The following PTPRM variants were observed in gnomAD, a reference collection of about 807,000 sequenced individuals.
PTPRM encodes the protein protein tyrosine phosphatase receptor type M, also known as receptor-type tyrosine-protein phosphatase mu.
PTPRM carries 47 observed loss-of-function variants against 186.7 expected under a neutral mutation model. The observed-to-expected ratio is 0.25, with a 90% CI of 0.20 to 0.32. The LOEUF (loss-of-function observed/expected upper bound fraction) is 0.32. PTPRM is among the 10% of genes least tolerant of loss of function. The pLI, the probability that PTPRM is intolerant of heterozygous loss-of-function variation, is 1.00. For synonymous variants in PTPRM, 668 were observed against 674.9 expected, an observed-to-expected ratio of 0.99 and a Z score of 0.16; for missense variants, 1,494 against 1,865.0, an observed-to-expected ratio of 0.80 and a Z score of 3.66.
At chr18:8,337,992 G>A (rs1218956297) in intron 22 of PTPRM, among the ~76,000 whole-genome samples, 6 of 152,214 alleles carry the variant, frequency 3.9e-5, no homozygotes, top group South Asian at 2.1e-4. Flanking sequence ...GATAGGGAAC[G>A]GATTCAGGGG....
intron 6 of PTPRM, among the ~76,000 whole-genome samples, 155 bp from the exon 7 acceptor site, chr18:7,954,966 A>G (rs1204015950): frequency 6.6e-6 from 1 of 152,220 alleles, no homozygotes; most frequent in Admixed American, 6.5e-5. Flanking sequence ...AATCTTTTTC[A>G]ACATACTTTT....
chr18:8,089,232 G>A (rs1458676752), intron 11 of PTPRM, among the ~76,000 whole-genome samples: 1 of 152,020 alleles, frequency 6.6e-6, no homozygotes, highest in Non-Finnish European at 1.5e-5. Context: ...TCATTTGTGT[G>A]TTTACTTTGG....
intron 1 of PTPRM, among the ~76,000 whole-genome samples, chr18:7,639,991 G>C (rs746894641): frequency 2.3e-4 from 35 of 152,094 alleles, no homozygotes; most frequent in Non-Finnish European, 4.4e-4. Context: ...AATATTCAAA[G>C]GAAGTGCATA....
chr18:8,018,316 G>A (rs10468772), intron 7 of PTPRM, among the ~76,000 whole-genome samples: 98,527 of 151,926 alleles, frequency 0.65, 32,265 homozygotes, highest in African/African-American at 0.73. Flanking sequence ...TATTTGGGGG[G>A]AACCTTAGGA....
chr18:7,812,149 G>A (rs2044556431), intron 2 of PTPRM, among the ~76,000 whole-genome samples: 1 of 152,228 alleles, frequency 6.6e-6, no homozygotes. Flanking sequence ...AATATTGGAT[G>A]AAGTAGGCAT....
At chr18:7,935,812 C>T (rs967497503) in intron 5 of PTPRM, among the ~76,000 whole-genome samples, 4 of 152,078 alleles carry the variant, frequency 2.6e-5, no homozygotes. Flanking sequence ...TGACCCTCAC[C>T]TTCCTCCCAC....
intron 1 of PTPRM, among the ~76,000 whole-genome samples, chr18:7,587,127 G>C (rs2036998636): frequency 6.6e-6 from 1 of 152,090 alleles, no homozygotes; most frequent in Non-Finnish European, 1.5e-5. Context: ...AAACCTTTAA[G>C]TGTTAGATTT....
intron 7 of PTPRM, among the ~76,000 whole-genome samples, chr18:7,985,002 T>TATATATACATATATAA (rs2082821472): frequency 1.6e-5 from 2 of 122,746 alleles, no homozygotes; most frequent in African/African-American, 6.5e-5. Context: ...TACATATAAT[T>TATATATACATATATAA]GTATATACAT....
chr18:8,392,283 T>C (rs1256582842), intron 31 of PTPRM, among the ~76,000 whole-genome samples: 1 of 152,220 alleles, frequency 6.6e-6, no homozygotes, highest in Non-Finnish European at 1.5e-5. Flanking sequence ...AACAGTAATG[T>C]TATTATTTTA....
At chr18:7,937,616 AG>A (rs1389000193) in intron 5 of PTPRM, among the ~76,000 whole-genome samples, 1 of 152,228 alleles carries the variant, frequency 6.6e-6, no homozygotes, top group Non-Finnish European at 1.5e-5. Flanking sequence ...CTGGCCACAG[AG>A]GTTTCTGGCT....
intron 11 of PTPRM, among the ~76,000 whole-genome samples, chr18:8,098,947 G>A (rs1409431348): frequency 6.6e-6 from 1 of 152,102 alleles, no homozygotes; most frequent in South Asian, 2.1e-4. Flanking sequence ...TAATGGGGAA[G>A]CCTCTGGCTT....
At chr18:8,343,568 T>C (rs765363554) in intron 23 of PTPRM, 48 bp downstream of exon 23, 3 of 1,562,252 alleles carry the variant, frequency 1.9e-6, no homozygotes, top group Non-Finnish European at 2.6e-6. Flanking sequence ...CTTGCTTAGT[T>C]GGTAACAGAA....
At chr18:8,324,279 A>G (rs2095362667) in intron 22 of PTPRM, among the ~76,000 whole-genome samples, 1 of 152,196 alleles carries the variant, frequency 6.6e-6, no homozygotes, top group Non-Finnish European at 1.5e-5. Flanking sequence ...GAGTATTGTT[A>G]TAATCGTTAG....
intron 4 of PTPRM, among the ~76,000 whole-genome samples, chr18:7,911,401 T>G (rs2050256272): frequency 6.6e-6 from 1 of 152,220 alleles, no homozygotes; most frequent in African/African-American, 2.4e-5. Flanking sequence ...CTTGCAAATA[T>G]TTATGTCTTT....
intron 2 of PTPRM, among the ~76,000 whole-genome samples, chr18:7,845,408 TTCAG>T (rs931007408): frequency 1.2e-4 from 19 of 152,172 alleles, no homozygotes; most frequent in African/African-American, 4.1e-4. Context: ...AGCTTGTGTG[TTCAG>T]TCACTTTTTT....
intron 23 of PTPRM, among the ~76,000 whole-genome samples, chr18:8,353,442 C>T (rs1408316006): frequency 6.6e-6 from 1 of 152,066 alleles, no homozygotes; most frequent in Non-Finnish European, 1.5e-5. Context: ...GAGGTTAGAG[C>T]AAGGCTCTAG....
At chr18:8,351,102 T>A (rs2095531886) in intron 23 of PTPRM, among the ~76,000 whole-genome samples, 1 of 152,178 alleles carries the variant, frequency 6.6e-6, no homozygotes, top group Non-Finnish European at 1.5e-5. Flanking sequence ...CTCCTTGCCT[T>A]CCTCCTTATG....
At position 8,125,976 on chromosome 18, in the gene PTPRM, CATATATATATATATATATATAT is replaced by C. The variant is rs1178603481; in HGVS notation, c.2167+11180_2167+11201del. Among the ~76,000 whole-genome samples, 247 of 59,732 alleles carry C rather than the reference CATATATATATATATATATATAT, an allele frequency of 4.1e-3. 10 individuals are homozygous for C. The highest frequency in any genetic ancestry group is 9.8e-3 in the African/African-American group (177 of 17,980). The allele number at this position is 59,732 out of a possible 152,430, so 39.2% of individuals were successfully genotyped here. A position where few individuals can be genotyped will look rare whatever the true frequency, so the allele number is the denominator to read the frequency against. On this transcript the variant is annotated intron_variant, in intron 13 of 32. Transcript: ENST00000580170. ...GGAGAATGCTATATGTGTGTGTATA[CATATATATATATATATATATAT>C]ATATATATATATATATATATATATA...
At chr18:7,744,590 T>C (rs1189757253) in intron 1 of PTPRM, among the ~76,000 whole-genome samples, 7 of 152,178 alleles carry the variant, frequency 4.6e-5, no homozygotes. Context: ...ATATTCCTAG[T>C]GCCTAGACTA....
Sources: allele counts gnomAD v4.1 joint callset (sites outside exome capture counted in the v4.1 genomes callset), GRCh38; gene constraint gnomAD v4.1.1; transcripts MANE v1.5; gene names NCBI Gene and HGNC (gene_info 2026-07-23, HGNC 2026-07-21).